The following FNBP1 variants were observed in gnomAD, a reference collection of about 807,000 sequenced individuals.
FNBP1 encodes formin-binding protein 1.
Under a neutral mutation model 90.6 loss-of-function variants are expected in FNBP1, and 26 were observed. The observed-to-expected ratio is 0.29, with a 90% CI of 0.21 to 0.40. The LOEUF (loss-of-function observed/expected upper bound fraction) is 0.40. FNBP1 is among the 10% of genes least tolerant of loss of function. The probability of loss-of-function intolerance (pLI) is 1.00; values close to 1 mark genes in which losing one functional copy is unlikely to be tolerated. For missense variants in FNBP1, 635 were observed against 768.0 expected (o/e 0.83, Z 2.05); for synonymous variants, 260 against 265.2 (o/e 0.98, Z 0.19).
chr9:129,961,838 G>A (rs779905114), intron 4 of FNBP1, among the ~76,000 whole-genome samples: 4 of 152,176 alleles, frequency 2.6e-5, no homozygotes, highest in South Asian at 2.1e-4. Context: ...CGCTTGCCTC[G>A]GCCTCCCAAA....
At chr9:130,024,357 G>T (rs1396057167) in intron 1 of FNBP1, among the ~76,000 whole-genome samples, 1 of 152,148 alleles carries the variant, frequency 6.6e-6, no homozygotes. Flanking sequence ...GGCTGAAGTG[G>T]GAGGATGGCT....
At position 129,928,707 on chromosome 9, in the gene FNBP1, A is replaced by C. The variant is rs111597696; in HGVS notation, c.642+860T>G. On this transcript the variant is annotated intron_variant, in intron 7 of 16. Transcript: ENST00000446176. ...AAAAAAAGAAAAAAGACTGACAAATAATTGGCTGCAGGTGCAAACTATAGA... is the reference window on the plus strand; with the variant it reads ...AAAAAAAGAAAAAAGACTGACAAATCATTGGCTGCAGGTGCAAACTATAGA... Among the ~76,000 whole-genome samples, 1,292 of 152,192 alleles carry C rather than the reference A, an allele frequency of 8.5e-3. 16 individuals are homozygous for C. The highest frequency in any genetic ancestry group is 0.03 in the African/African-American group (1,235 of 41,546).
upstream of FNBP1, among the ~76,000 whole-genome samples, chr9:130,043,951 C>G (rs1000732420): frequency 6.6e-6 from 1 of 152,260 alleles, no homozygotes; most frequent in Admixed American, 6.5e-5. Context: ...TCTGGAAGCG[C>G]AGAGCGCAGT....
chr9:129,892,309 C>T (rs1441747562), intron 16 of FNBP1, among the ~76,000 whole-genome samples: 1 of 149,226 alleles, frequency 6.7e-6, no homozygotes, highest in Admixed American at 6.7e-5. Context: ...TCCAATTGAC[C>T]CACCGGAAGT....
chr9:130,048,777 CCA>C, the FNBP1 span, among the ~76,000 whole-genome samples: 3 of 126,312 alleles, frequency 2.4e-5, no homozygotes, highest in African/African-American at 9.5e-5. Context: ...CGCGCCCGGC[CCA>C]GTTTCCTCTT....
chr9:130,008,215 G>A (rs2131607605), intron 1 of FNBP1, among the ~76,000 whole-genome samples: 2 of 151,920 alleles, frequency 1.3e-5, no homozygotes, highest in East Asian at 3.9e-4. Flanking sequence ...TGGGTGTGGT[G>A]TCATGCGCCT....
At chr9:130,016,143 T>C (rs1302111690) in intron 1 of FNBP1, among the ~76,000 whole-genome samples, 1 of 152,208 alleles carries the variant, frequency 6.6e-6, no homozygotes, top group African/African-American at 2.4e-5. Context: ...TAAAATTTTA[T>C]ATATTATTGT....
intron 1 of FNBP1, among the ~76,000 whole-genome samples, chr9:130,038,103 C>T (rs561096406): frequency 2.0e-5 from 3 of 152,118 alleles, no homozygotes; most frequent in Non-Finnish European, 2.9e-5. Flanking sequence ...GCCTGTAATC[C>T]CAGCACTTTG....
At chr9:129,954,538 C>G (rs907945787) in intron 6 of FNBP1, among the ~76,000 whole-genome samples, 4 of 151,738 alleles carry the variant, frequency 2.6e-5, no homozygotes, top group African/African-American at 9.7e-5. Context: ...CCCAGGAACA[C>G]TAATTTGGCT....
intron 11 of FNBP1, among the ~76,000 whole-genome samples, chr9:129,912,012 T>C (rs1267565023): frequency 2.6e-5 from 4 of 151,578 alleles, no homozygotes; most frequent in African/African-American, 9.7e-5. Flanking sequence ...TGCAAATTAA[T>C]TGAACCCAAA....
Position 129,908,946 on chromosome 9 carries a change from C to A in FNBP1, c.1239G>T (p.Lys413Asn). ...SNLPPEQRRKKLQQKVDELNK... is the reference protein window; with the variant it reads ...SNLPPEQRRKNLQQKVDELNK... ...TTAACTCATCGACTTTCTGCTGCAG[C>A]TTTTTCCTTCTTTGTTCAGGTGGGA... The change falls in exon 12 of 17, where the codon AAG becomes AAT. Residue 413 changes from lysine to asparagine, a missense_variant. Transcript: ENST00000446176. 6.2e-7 allele frequency: 1 copy of A among 1,613,820 alleles called. No homozygotes were observed. The highest frequency in any genetic ancestry group is 8.5e-7 in the Non-Finnish European group (1 of 1,179,838).
rs1244672973 is a variant in FNBP1, at chr9:130,042,596, C to G, written c.24+356G>C. On this transcript the variant is annotated intron_variant, in intron 1 of 16. Transcript: ENST00000446176. The surrounding 1 kb of genome is among the most constrained non-coding windows in gnomAD (Gnocchi z 5.5). The stretch of plus-strand genomic sequence containing the variant: ...CAGCCGGGGCCTCCACGCCCCCACG[C>G]CCGGTCCCGGCCCTCCCCGGGCATC... Among the ~76,000 whole-genome samples the G allele has an allele frequency of 6.6e-6, 1 of 151,710 alleles. No homozygotes were observed. Among genetic ancestry groups the G allele is most frequent in the Non-Finnish European group, 1.5e-5 (1 of 67,886 alleles).
chr9:129,932,111 C>T (rs1009539143), intron 6 of FNBP1, among the ~76,000 whole-genome samples: 8 of 149,958 alleles, frequency 5.3e-5, no homozygotes, highest in East Asian at 2.0e-4. Flanking sequence ...CTTGGGAGGC[C>T]GAGACAGGAG....
intron 6 of FNBP1, among the ~76,000 whole-genome samples, chr9:129,952,888 T>C (rs891864892): frequency 5.9e-5 from 9 of 152,220 alleles, no homozygotes; most frequent in African/African-American, 1.7e-4. Flanking sequence ...TTAACTCAGT[T>C]AATATTCGCA....
Position 129,957,394 on chromosome 9 carries a change from G to T in FNBP1, c.479C>A (p.Ala160Asp). Reference sequence around the variant, plus strand: ...ATCCGCTTTTGTGACATTGATGTCAGCGTCCATTTTCTCAAAGTACTGCTG... The same window carrying T: ...ATCCGCTTTTGTGACATTGATGTCATCGTCCATTTTCTCAAAGTACTGCTG... ...RAQQYFEKMDADINVTKADVE... is the reference protein window; with the variant it reads ...RAQQYFEKMDDDINVTKADVE... The change falls in exon 6 of 17, where the codon GCT becomes GAT. Residue 160 changes from alanine (A) to aspartate (D), a missense_variant. Ala to Asp is a moderately radical substitution (Grantham distance 126, BLOSUM62 -2). Transcript: ENST00000446176. This position sits in a 1 kb window ranked among gnomAD's most constrained non-coding sequence, Gnocchi z 4.3. The T allele has an allele frequency of 6.2e-7, 1 of 1,613,498 alleles. No homozygotes were observed.
intron 2 of FNBP1, among the ~76,000 whole-genome samples, 159 bp from the exon 3 acceptor site, chr9:129,979,533 G>A (rs1199642987): frequency 1.1e-4 from 17 of 152,222 alleles, no homozygotes. Context: ...GTGTGATGAA[G>A]CTACTGTTAT....
At chr9:129,960,016 C>T (rs183380350) in intron 4 of FNBP1, among the ~76,000 whole-genome samples, 8 of 152,156 alleles carry the variant, frequency 5.3e-5, no homozygotes, top group East Asian at 1.9e-4. Flanking sequence ...TTTTTTATTG[C>T]CAAATGATTA....
In FNBP1 at chr9:129,900,208, G is replaced by C. The variant is rs1242575500; in HGVS notation, c.1551-107C>G. 2 of 1,289,342 alleles carry C rather than the reference G, an allele frequency of 1.6e-6. No individual in the cohort carries two copies. Among genetic ancestry groups the C allele is most frequent in the East Asian group, 5.3e-5 (2 of 37,894 alleles). 79.9% of individuals were successfully genotyped at this position (1,289,342 alleles called of 1,614,324 possible). A position where few individuals can be genotyped will look rare whatever the true frequency, so the allele number is the denominator to read the frequency against. On this transcript the variant is annotated intron_variant, in intron 14 of 16. Coordinates refer to ENST00000446176, the MANE Select transcript of FNBP1 (RefSeq NM_015033.3). This position sits in a 1 kb window ranked among gnomAD's most constrained non-coding sequence, Gnocchi z 4.1. ...CACTTGCAACCCCGCCCCTCAGCGA[G>C]TGCTGTAACTGAGGCCATGGTAAAT... is the stretch of plus-strand genomic sequence containing the variant.
chr9:129,927,114 A>G lies in FNBP1; in HGVS notation c.789+81T>C, dbSNP rs1353563479. 5 of 1,417,316 alleles carry G rather than the reference A, an allele frequency of 3.5e-6. No individual in the cohort carries two copies. The Admixed American group carries it at 7.0e-5, about 20-fold the overall frequency. 87.8% of individuals were successfully genotyped at this position (1,417,316 alleles called of 1,614,324 possible). On this transcript the variant is annotated intron_variant, in intron 8 of 16. Coordinates refer to ENST00000446176, the MANE Select transcript of FNBP1 (RefSeq NM_015033.3). ...CAACCATCCACCATGAGATGATGAC[A>G]TGAGGTCAAATGGAAAGGGGATGGG...
Sources: gnomAD v4.1 joint callset for allele counts (sites outside exome capture counted in the v4.1 genomes callset) on GRCh38, gnomAD v4.1.1 for gene constraint, Gnocchi (gnomAD v3.1) non-coding constraint, MANE v1.5 for transcripts, NCBI Gene and HGNC (gene_info 2026-07-23, HGNC 2026-07-21) for gene names.